Variants in LHPP observed in about 807,000 individuals in gnomAD.
The protein encoded by LHPP is phospholysine phosphohistidine inorganic pyrophosphate phosphatase, also known as hLHPP.
Under a neutral mutation model 30.3 loss-of-function variants are expected in LHPP, and 24 were observed. The ratio of observed to expected loss-of-function variants is 0.79; its 90% confidence interval spans 0.57 to 1.11. The LOEUF is 1.11. LHPP is among the 50% of genes most tolerant of loss of function. The probability of loss-of-function intolerance (pLI) is 0.00; values close to 1 mark genes in which losing one functional copy is unlikely to be tolerated. For synonymous variants in LHPP, 150 were observed against 157.1 expected, an observed-to-expected ratio of 0.95 and a Z score of 0.34; for missense variants, 356 against 367.2, an observed-to-expected ratio of 0.97 and a Z score of 0.25.
intron 5 of LHPP, chr10:124,498,650 TTTTC>T (rs1953803180): frequency 6.5e-6 from 4 of 613,660 alleles, no homozygotes; most frequent in Non-Finnish European, 1.2e-5. Flanking sequence ...GTGGGTTTTC[TTTTC>T]TTTTTCTTTT....
intron 1 of LHPP, among the ~76,000 whole-genome samples, chr10:124,475,110 C>T (rs899917946): frequency 1.4e-5 from 2 of 147,688 alleles, no homozygotes; most frequent in African/African-American, 5.0e-5. Flanking sequence ...GCAACCTCTG[C>T]CACCCAGGTT....
intron 5 of LHPP, among the ~76,000 whole-genome samples, chr10:124,502,704 C>T (rs1194743681): frequency 9.1e-6 from 1 of 109,666 alleles, no homozygotes; most frequent in Non-Finnish European, 1.7e-5. Flanking sequence ...GCAGGAATCT[C>T]ATCCTGTCAC....
intron 6 of LHPP, among the ~76,000 whole-genome samples, chr10:124,602,906 C>T (rs953380533): frequency 6.6e-6 from 1 of 152,232 alleles, no homozygotes; most frequent in Non-Finnish European, 1.5e-5. Context: ...CACATGTGCA[C>T]ACAGGGAAGA....
At chr10:124,603,787 C>CGG (rs1949058394) in intron 6 of LHPP, among the ~76,000 whole-genome samples, 1 of 152,060 alleles carries the variant, frequency 6.6e-6, no homozygotes, top group African/African-American at 2.4e-5. Flanking sequence ...AGGGTCCCCA[C>CGG]GCTGGGCTCC....
intron 6 of LHPP, chr10:124,553,890 C>T (rs1355567520): frequency 1.0e-6 from 1 of 985,332 alleles, no homozygotes; most frequent in African/African-American, 1.7e-5. Flanking sequence ...TCTGTCTTAC[C>T]ACAGGCTAAG....
chr10:124,604,104 CG>C (rs1264474046), intron 6 of LHPP, among the ~76,000 whole-genome samples: 1 of 152,216 alleles, frequency 6.6e-6, no homozygotes, highest in African/African-American at 2.4e-5. Context: ...AGCTCCTGCT[CG>C]GGTTTCTTTG....
chr10:124,586,562 T>A (rs1948805951), intron 6 of LHPP, among the ~76,000 whole-genome samples: 1 of 152,140 alleles, frequency 6.6e-6, no homozygotes, highest in Non-Finnish European at 1.5e-5. Context: ...GAGCTTGGAA[T>A]TTGTTTCATG....
chr10:124,509,015 C>T (rs910455121), intron 5 of LHPP, among the ~76,000 whole-genome samples: 3 of 152,088 alleles, frequency 2.0e-5, no homozygotes, highest in East Asian at 3.8e-4. Flanking sequence ...TTTTTCAATC[C>T]TCACCCTCCT....
At chr10:124,564,341 T>C (rs760550516) in intron 6 of LHPP, among the ~76,000 whole-genome samples, 1 of 152,068 alleles carries the variant, frequency 6.6e-6, no homozygotes, top group African/African-American at 2.4e-5. Context: ...CCCAAGATGG[T>C]CTCAATCTCC....
chr10:124,515,892 G>A (rs1244040007), intron 5 of LHPP, among the ~76,000 whole-genome samples: 1 of 152,156 alleles, frequency 6.6e-6, no homozygotes, highest in Non-Finnish European at 1.5e-5. Context: ...CCTCCCTCAC[G>A]TGTGCTGGCA....
intron 5 of LHPP, among the ~76,000 whole-genome samples, chr10:124,512,567 A>C (rs1462584581): frequency 6.9e-6 from 1 of 145,836 alleles, no homozygotes. Flanking sequence ...CAGTGAGCCG[A>C]GATCGCGCCA....
intron 2 of LHPP, among the ~76,000 whole-genome samples, chr10:124,485,316 C>T (rs1198933140): frequency 6.6e-6 from 1 of 151,948 alleles, no homozygotes; most frequent in African/African-American, 2.4e-5. Flanking sequence ...GGTTGCTGGA[C>T]CCGGGAGTGG....
chr10:124,540,685 T>C (rs1955160902), intron 6 of LHPP, among the ~76,000 whole-genome samples: 1 of 152,160 alleles, frequency 6.6e-6, no homozygotes, highest in Non-Finnish European at 1.5e-5. Flanking sequence ...ATGGTTTGAC[T>C]CACAGGCAGG....
chr10:124,536,144 C>T (rs940686048), intron 6 of LHPP, among the ~76,000 whole-genome samples: 12 of 152,352 alleles, frequency 7.9e-5, no homozygotes, highest in Admixed American at 6.5e-5. Context: ...CCGGGCTTTT[C>T]CACCCCTGCC....
intron 6 of LHPP, among the ~76,000 whole-genome samples, chr10:124,556,222 C>A (rs1370882511): frequency 6.6e-6 from 1 of 152,196 alleles, no homozygotes; most frequent in Non-Finnish European, 1.5e-5. Flanking sequence ...TGGGTGTCCA[C>A]CTTCCAAACT....
At chr10:124,563,573 A>C (rs1314706323) in intron 6 of LHPP, among the ~76,000 whole-genome samples, 23 of 152,118 alleles carry the variant, frequency 1.5e-4, no homozygotes, top group Admixed American at 1.5e-3. Flanking sequence ...GGTGATGGAA[A>C]GCTTCTTTAT....
chr10:124,594,511 A>G (rs1948919214), intron 6 of LHPP, among the ~76,000 whole-genome samples: 1 of 152,056 alleles, frequency 6.6e-6, no homozygotes, highest in Non-Finnish European at 1.5e-5. Context: ...TAGCTGCATA[A>G]TATTTTACAG....
At chr10:124,608,286 A>G (rs1170885451) in intron 6 of LHPP, among the ~76,000 whole-genome samples, 1 of 152,016 alleles carries the variant, frequency 6.6e-6, no homozygotes, top group Non-Finnish European at 1.5e-5. Flanking sequence ...GCCCCCCACC[A>G]GCCTGTGTGC....
intron 6 of LHPP, among the ~76,000 whole-genome samples, chr10:124,553,148 C>A (rs1464752874): frequency 6.6e-6 from 1 of 152,258 alleles, no homozygotes; most frequent in Non-Finnish European, 1.5e-5. Flanking sequence ...ATCAGGGACC[C>A]AGCTGATGAG....
Sources: gnomAD v4.1 joint callset for allele counts (sites outside exome capture counted in the v4.1 genomes callset) on GRCh38, gnomAD v4.1.1 for gene constraint, MANE v1.5 for transcripts, NCBI Gene and HGNC (gene_info 2026-07-23, HGNC 2026-07-21) for gene names.